Variants in SEMA3D observed in about 807,000 individuals in gnomAD.
SEMA3D encodes semaphorin 3D, also known as semaphorin-3D.
A neutral mutation model predicts 100.1 loss-of-function variants in SEMA3D; 84 were observed. That is an observed-to-expected ratio of 0.84 (90% CI 0.70 to 1.01). The LOEUF (loss-of-function observed/expected upper bound fraction) is 1.01, where lower values mean the gene tolerates loss of function less well. SEMA3D is among the 50% of genes least tolerant of loss of function. The pLI, the probability that SEMA3D is intolerant of heterozygous loss-of-function variation, is 0.00. For missense variants in SEMA3D, 875 were observed against 934.1 expected (o/e 0.94, Z 0.82); for synonymous variants, 312 against 320.7 (o/e 0.97, Z 0.29).
intron 1 of SEMA3D, among the ~76,000 whole-genome samples, chr7:85,185,405 A>G (rs1021454099): frequency 6.6e-6 from 1 of 151,610 alleles, no homozygotes; most frequent in Non-Finnish European, 1.5e-5. Context: ...GCTAAACCGG[A>G]AAGTTTAGGT....
chr7:85,044,588 G>T (rs965363244), intron 9 of SEMA3D, among the ~76,000 whole-genome samples: 1 of 152,022 alleles, frequency 6.6e-6, no homozygotes, highest in South Asian at 2.1e-4. Flanking sequence ...CTCCTAGTTT[G>T]CACTATGTCT....
At chr7:85,131,005 T>A (rs2116433458) in intron 2 of SEMA3D, among the ~76,000 whole-genome samples, 1 of 152,230 alleles carries the variant, frequency 6.6e-6, no homozygotes, top group African/African-American at 2.4e-5. Flanking sequence ...TTGTAAGGAC[T>A]AAGAAACCAT....
At chr7:85,105,826 C>A (rs1788904197) in intron 3 of SEMA3D, among the ~76,000 whole-genome samples, 1 of 151,930 alleles carries the variant, frequency 6.6e-6, no homozygotes, top group African/African-American at 2.4e-5. Context: ...AAATTAGAAA[C>A]AAATTAAGCT....
chr7:85,119,772 A>C (rs922998080), intron 3 of SEMA3D, among the ~76,000 whole-genome samples: 4 of 152,134 alleles, frequency 2.6e-5, no homozygotes, highest in African/African-American at 9.7e-5. Flanking sequence ...AAAATTAAAA[A>C]ACAAAATTAC....
At chr7:85,018,351 C>A (rs1290070304) in intron 14 of SEMA3D, 58 bp from the exon 15 acceptor site, 12 of 1,108,386 alleles carry the variant, frequency 1.1e-5, no homozygotes, top group Non-Finnish European at 1.6e-5. Flanking sequence ...TTATATTAAA[C>A]AATATGTTGT....
At chr7:85,033,878 C>CACACAG (rs1790617016) in intron 12 of SEMA3D, among the ~76,000 whole-genome samples, 1 of 151,636 alleles carries the variant, frequency 6.6e-6, no homozygotes, top group Non-Finnish European at 1.5e-5. Context: ...CACACACACA[C>CACACAG]ACACACACAC....
intron 8 of SEMA3D, among the ~76,000 whole-genome samples, 182 bp downstream of exon 8, chr7:85,065,242 T>C (rs1242152844): frequency 6.6e-6 from 1 of 152,202 alleles, no homozygotes; most frequent in Non-Finnish European, 1.5e-5. Flanking sequence ...ATAAATATTA[T>C]GTATTACTAT....
At chr7:85,182,991 C>T (rs370037489) in intron 1 of SEMA3D, among the ~76,000 whole-genome samples, 1 of 152,066 alleles carries the variant, frequency 6.6e-6, no homozygotes, top group African/African-American at 2.4e-5. Context: ...TATTGAACCG[C>T]CCAGACAGAA....
At chr7:85,058,255 A>T (rs114416745) in intron 8 of SEMA3D, among the ~76,000 whole-genome samples, 4,610 of 152,182 alleles carry the variant, frequency 0.03, 239 homozygotes, top group African/African-American at 0.1. Flanking sequence ...CACATAAAGT[A>T]TTTAATTTTT....
chr7:85,124,087 A>T (rs553955332), intron 2 of SEMA3D, among the ~76,000 whole-genome samples: 149 of 152,190 alleles, frequency 9.8e-4, no homozygotes, highest in Middle Eastern at 6.8e-3. Context: ...ATATTATTTA[A>T]CTGCCAGTAG....
chr7:85,103,717 C>T (rs1261762019), intron 3 of SEMA3D, among the ~76,000 whole-genome samples: 2 of 152,008 alleles, frequency 1.3e-5, no homozygotes, highest in African/African-American at 4.8e-5. Flanking sequence ...GTTCAAATTC[C>T]CACTTTTGTT....
At chr7:85,029,276 A>AG in intron 12 of SEMA3D, 1 of 862,536 alleles carries the variant, frequency 1.2e-6, no homozygotes, top group Non-Finnish European at 2.0e-6. Context: ...ACTGATGACA[A>AG]GGGCCATTTG....
chr7:85,214,794 C>A, the SEMA3D span, among the ~76,000 whole-genome samples: 2 of 152,136 alleles, frequency 1.3e-5, no homozygotes, highest in African/African-American at 2.4e-5. Flanking sequence ...CCGTGCCCGG[C>A]CTGTTTTTGG....
At chr7:85,158,065 T>C (rs1020606331) in intron 1 of SEMA3D, among the ~76,000 whole-genome samples, 1 of 152,188 alleles carries the variant, frequency 6.6e-6, no homozygotes, top group African/African-American at 2.4e-5. Flanking sequence ...GGAGGATGTA[T>C]GTCACCTCAG....
the SEMA3D span, among the ~76,000 whole-genome samples, chr7:85,246,434 A>G: frequency 6.6e-6 from 1 of 151,962 alleles, no homozygotes; most frequent in Non-Finnish European, 1.5e-5. Context: ...TTTTCTGTGG[A>G]GCTGTGAATC....
At chr7:85,000,970 C>T (rs1327618529) in intron 18 of SEMA3D, among the ~76,000 whole-genome samples, 1 of 152,086 alleles carries the variant, frequency 6.6e-6, no homozygotes, top group African/African-American at 2.4e-5. Context: ...TGATGGAAAT[C>T]AAGGAGGCAT....
At chr7:85,143,278 T>C (rs1468647296) in intron 2 of SEMA3D, 7 of 488,608 alleles carry the variant, frequency 1.4e-5, no homozygotes, top group East Asian at 3.0e-4. Context: ...TTCAAAGTGA[T>C]TAAAAATAAG....
At chr7:85,231,014 T>C in the SEMA3D span, among the ~76,000 whole-genome samples, 9 of 152,368 alleles carry the variant, frequency 5.9e-5, no homozygotes, top group South Asian at 4.1e-4. Context: ...TTACACTTTC[T>C]TGTCTTTGAG....
intron 3 of SEMA3D, among the ~76,000 whole-genome samples, chr7:85,116,206 A>G (rs1414431858): frequency 6.7e-6 from 1 of 149,348 alleles, no homozygotes; most frequent in Admixed American, 6.7e-5. Context: ...GTATATATGC[A>G]CATATACATA....
Sources: allele counts gnomAD v4.1 joint callset (sites outside exome capture counted in the v4.1 genomes callset), GRCh38; gene constraint gnomAD v4.1.1; transcripts MANE v1.5; gene names NCBI Gene and HGNC (gene_info 2026-07-23, HGNC 2026-07-21).